Variants in MYO1E observed in about 807,000 individuals in gnomAD.
MYO1E encodes unconventional myosin-Ie.
Under a neutral mutation model 151.1 loss-of-function variants are expected in MYO1E, and 68 were observed. The ratio of observed to expected loss-of-function variants is 0.45; its 90% CI spans 0.37 to 0.55. The LOEUF (loss-of-function observed/expected upper bound fraction) is 0.55, where lower values mean the gene tolerates loss of function less well. MYO1E is among the 20% of genes least tolerant of loss of function. The probability of loss-of-function intolerance (pLI) is 0.00; values close to 1 mark genes in which losing one functional copy is unlikely to be tolerated. For synonymous variants in MYO1E, 601 were observed against 501.7 expected (o/e 1.20, Z -2.64); for missense variants, 1,363 against 1,389.3 (o/e 0.98, Z 0.30).
At position 59,327,480 on chromosome 15, in the gene MYO1E, A is replaced by G. The variant is rs77648472; in HGVS notation, c.3+45018T>C. 2.8e-3 allele frequency among the ~76,000 whole-genome samples: 426 copies of G among 151,550 alleles called. 3 individuals carry two copies. Among genetic ancestry groups the G allele is most frequent in the African/African-American group, 1.0e-2 (413 of 41,350 alleles). On this transcript the variant is annotated intron_variant, in intron 1 of 27. Coordinates refer to ENST00000288235, the MANE Select transcript of MYO1E (RefSeq NM_004998.4). ...TGCATCACCACATCTGGCTATTTTT[A>G]TTATTATTATTATTTATAGACATGG...
chr15:59,242,799 C>G (rs559788563), intron 4 of MYO1E, among the ~76,000 whole-genome samples: 1 of 152,290 alleles, frequency 6.6e-6, no homozygotes, highest in South Asian at 2.1e-4. Context: ...AAGAGCCCTG[C>G]ATTGTTTCTA....
intron 6 of MYO1E, among the ~76,000 whole-genome samples, chr15:59,229,389 C>A (rs2080012056): frequency 6.6e-6 from 1 of 152,178 alleles, no homozygotes; most frequent in Non-Finnish European, 1.5e-5. Context: ...GGTTGAGAAC[C>A]ACTGCTCTAA....
chr15:59,316,424 A>G (rs1164701078), intron 1 of MYO1E, among the ~76,000 whole-genome samples: 2 of 152,044 alleles, frequency 1.3e-5, no homozygotes, highest in Non-Finnish European at 2.9e-5. Flanking sequence ...ATTAACTCAT[A>G]CCCAAGTCTG....
intron 1 of MYO1E, among the ~76,000 whole-genome samples, chr15:59,349,513 C>T (rs901986398): frequency 6.6e-6 from 1 of 151,788 alleles, no homozygotes; most frequent in Non-Finnish European, 1.5e-5. Flanking sequence ...AATTACCCAG[C>T]GAGTTAGGGA....
chr15:59,281,679 C>G (rs1481712932), intron 1 of MYO1E, among the ~76,000 whole-genome samples: 6 of 152,200 alleles, frequency 3.9e-5, no homozygotes, highest in South Asian at 4.1e-4. Context: ...TTCCACAGCA[C>G]TTGCTTCAAA....
intron 17 of MYO1E, among the ~76,000 whole-genome samples, chr15:59,189,393 C>T (rs1382225613): frequency 6.6e-6 from 1 of 152,060 alleles, no homozygotes; most frequent in Non-Finnish European, 1.5e-5. Flanking sequence ...ACTTTCCCTT[C>T]CCTTTTCTTT....
At chr15:59,151,657 A>G (rs1259415983) in intron 26 of MYO1E, among the ~76,000 whole-genome samples, 1 of 152,194 alleles carries the variant, frequency 6.6e-6, no homozygotes, top group Non-Finnish European at 1.5e-5. Context: ...TCACGCCTGT[A>G]ATCCCAGCAC....
At chr15:59,311,938 G>A (rs1596411957) in intron 1 of MYO1E, among the ~76,000 whole-genome samples, 1 of 152,120 alleles carries the variant, frequency 6.6e-6, no homozygotes. Flanking sequence ...CAGCAAGAAG[G>A]CCCTCACTAG....
Position 59,282,293 on chromosome 15 carries a change from T to A in MYO1E, c.4-9844A>T, listed in dbSNP as rs143185473. Among the ~76,000 whole-genome samples the A allele has an allele frequency of 7.5e-4, 114 of 152,302 alleles. 1 individual carries two copies. In the East Asian group the frequency reaches 0.019, roughly 25 times the overall value. ...TGTTCTGAATTCCCTGCACTTTCCA[T>A]CAGGGCTCCCAAGCCCCCTGCTCTG... On this transcript the variant is annotated intron_variant, in intron 1 of 27. Coordinates refer to ENST00000288235, the MANE Select transcript of MYO1E (RefSeq NM_004998.4).
intron 1 of MYO1E, among the ~76,000 whole-genome samples, chr15:59,363,900 G>A (rs1226804014): frequency 6.6e-6 from 1 of 152,018 alleles, no homozygotes. Flanking sequence ...TCAGCCTCCC[G>A]AGTAGCTGGG....
At chr15:59,227,741 TTCAA>T in intron 6 of MYO1E, 151 bp from the exon 7 acceptor site, 1 of 1,080,406 alleles carries the variant, frequency 9.3e-7, no homozygotes, top group African/African-American at 1.6e-5. Flanking sequence ...TTCCTTAGTT[TTCAA>T]TCAGACAATA....
At chr15:59,362,977 T>TTTC (rs2080893841) in intron 1 of MYO1E, among the ~76,000 whole-genome samples, 1 of 10,072 alleles carries the variant, frequency 9.9e-5, no homozygotes, top group South Asian at 6.5e-3. Context: ...TATGACTTTC[T>TTTC]TTTTTTTTTT....
chr15:59,149,054 T>G (rs1371951274), intron 26 of MYO1E, among the ~76,000 whole-genome samples: 266 of 9,938 alleles, frequency 0.027, 1 homozygote, highest in African/African-American at 0.075. Flanking sequence ...TTTTTTTTGT[T>G]TTTTTTTTTT....
intron 4 of MYO1E, among the ~76,000 whole-genome samples, chr15:59,255,105 TTTTGG>T (rs1234900122): frequency 7.2e-5 from 11 of 152,004 alleles, no homozygotes; most frequent in East Asian, 5.8e-4. Context: ...AAGCCTTTTT[TTTTGG>T]TTTGGTTTGG....
chr15:59,163,424 T>C, intron 22 of MYO1E, 121 bp from the exon 23 acceptor site: 1 of 980,322 alleles, frequency 1.0e-6, no homozygotes, highest in Non-Finnish European at 1.5e-6. Context: ...AGTCTTTCTT[T>C]CTATAAGTAA....
intron 1 of MYO1E, among the ~76,000 whole-genome samples, chr15:59,346,678 G>A (rs2080795853): frequency 6.6e-6 from 1 of 152,132 alleles, no homozygotes; most frequent in Non-Finnish European, 1.5e-5. Flanking sequence ...TGTAATCCCA[G>A]CACTTTTGGA....
intron 1 of MYO1E, among the ~76,000 whole-genome samples, chr15:59,325,530 T>C (rs936982197): frequency 1.3e-5 from 2 of 152,234 alleles, no homozygotes; most frequent in Admixed American, 6.5e-5. Flanking sequence ...CCAGATTTTA[T>C]GGAGTTTGAT....
In MYO1E at chr15:59,257,821, T is replaced by C. The variant is rs143712390; in HGVS notation, c.238-1443A>G. 2.1e-3 allele frequency among the ~76,000 whole-genome samples: 314 copies of C among 152,288 alleles called. 1 individual carries two copies. Among genetic ancestry groups the C allele is most frequent in the African/African-American group, 7.1e-3 (297 of 41,552 alleles). ...ATATGTGATCTCTGCCTTAACCTTA[T>C]GGTTAGGAGTGGATACCTGGATAGG... On this transcript the variant is annotated intron_variant, in intron 3 of 27. Coordinates refer to ENST00000288235, the MANE Select transcript of MYO1E (RefSeq NM_004998.4).
chr15:59,291,611 G>A lies in MYO1E; in HGVS notation c.4-19162C>T, dbSNP rs549165831. Among the ~76,000 whole-genome samples, 7 of 147,738 alleles carry A rather than the reference G, an allele frequency of 4.7e-5. No individual in the cohort carries two copies. In the South Asian group the frequency reaches 1.3e-3, roughly 27 times the overall value. On this transcript the variant is annotated intron_variant, in intron 1 of 27. Transcript: ENST00000288235. ...AGCACTTTGGGAGGTCAAGGCGTGC[G>A]GATCACCTGAGATCAGGAGTTTGAG...
Sources: gnomAD v4.1 joint callset for allele counts (sites outside exome capture counted in the v4.1 genomes callset) on GRCh38, gnomAD v4.1.1 for gene constraint, MANE v1.5 for transcripts, NCBI Gene and HGNC (gene_info 2026-07-23, HGNC 2026-07-21) for gene names.